ASTN2: variants seen among roughly 807,000 people sequenced by gnomAD.
ASTN2 encodes astrotactin 2.
A neutral mutation model predicts 139.8 loss-of-function variants in ASTN2; 54 were observed. That is an observed-to-expected ratio of 0.39 (90% CI 0.31 to 0.48). The LOEUF is 0.48. Among genes scored for constraint, ASTN2 ranks in the 20% least tolerant of loss-of-function variants. The pLI is 0.95. For missense variants in ASTN2, 1,565 were observed against 1,725.1 expected, an observed-to-expected ratio of 0.91 and a Z score of 1.64; for synonymous variants, 756 against 719.5, an observed-to-expected ratio of 1.05 and a Z score of -0.81.
chr9:116,815,884 T>C (rs559965372), intron 12 of ASTN2, among the ~76,000 whole-genome samples: 2 of 149,036 alleles, frequency 1.3e-5, no homozygotes, highest in East Asian at 4.0e-4. Context: ...ATAACTCTCT[T>C]AGCAAATAAC....
intron 5 of ASTN2, among the ~76,000 whole-genome samples, chr9:117,084,673 A>G (rs978495594): frequency 6.6e-6 from 1 of 152,196 alleles, no homozygotes; most frequent in Non-Finnish European, 1.5e-5. Context: ...TTCCCCTTAT[A>G]ATGGTTATCT....
intron 16 of ASTN2, among the ~76,000 whole-genome samples, chr9:116,657,840 C>CA (rs1037941495): frequency 8.3e-5 from 12 of 143,814 alleles, no homozygotes; most frequent in Admixed American, 2.8e-4. Flanking sequence ...GAACCTGTCT[C>CA]AAAAAAAAGG....
intron 20 of ASTN2, among the ~76,000 whole-genome samples, chr9:116,479,849 T>C (rs375983623): frequency 6.6e-6 from 1 of 152,220 alleles, no homozygotes. Flanking sequence ...CATTTCTATA[T>C]GCCCAACTCT....
intron 10 of ASTN2, among the ~76,000 whole-genome samples, chr9:116,935,187 GCAGAC>G (rs1356101505): frequency 6.6e-6 from 1 of 152,176 alleles, no homozygotes; most frequent in Non-Finnish European, 1.5e-5. Context: ...GAAATAGATA[GCAGAC>G]TGAATTCCAA....
chr9:116,751,540 A>G (rs193019412), intron 13 of ASTN2, among the ~76,000 whole-genome samples: 145 of 151,876 alleles, frequency 9.5e-4, no homozygotes, highest in Middle Eastern at 6.9e-3. Flanking sequence ...AATGTTAACT[A>G]TTATTATTGT....
At chr9:117,125,833 G>GT (rs1174912025) in intron 4 of ASTN2, among the ~76,000 whole-genome samples, 1 of 151,824 alleles carries the variant, frequency 6.6e-6, no homozygotes, top group Non-Finnish European at 1.5e-5. Flanking sequence ...TTGCGGCGGG[G>GT]GGGGGAATTG....
chr9:116,687,231 A>C, intron 16 of ASTN2: 3 of 1,002,334 alleles, frequency 3.0e-6, no homozygotes, highest in Non-Finnish European at 3.6e-6. Flanking sequence ...GCTGCACGAC[A>C]AGCCCCAGCA....
intron 10 of ASTN2, among the ~76,000 whole-genome samples, chr9:116,875,311 A>T (rs1277453832): frequency 6.6e-6 from 1 of 152,240 alleles, no homozygotes; most frequent in Non-Finnish European, 1.5e-5. Context: ...AGAGGTGTGG[A>T]TAAATTAAAC....
intron 1 of ASTN2, among the ~76,000 whole-genome samples, chr9:117,324,076 C>T (rs1828430177): frequency 6.6e-6 from 1 of 152,066 alleles, no homozygotes; most frequent in African/African-American, 2.4e-5. Flanking sequence ...GAAAAAAATG[C>T]TTGATGGGAC....
At chr9:116,977,489 T>C (rs1836376503) in intron 7 of ASTN2, among the ~76,000 whole-genome samples, 1 of 152,078 alleles carries the variant, frequency 6.6e-6, no homozygotes. Context: ...TTTTTTTTTC[T>C]GGCCATGCCT....
chr9:116,800,398 C>T (rs1347865901), intron 13 of ASTN2, among the ~76,000 whole-genome samples: 2 of 152,190 alleles, frequency 1.3e-5, no homozygotes, highest in East Asian at 1.9e-4. Flanking sequence ...TCTTAATGTG[C>T]ACCATGCTTA....
At chr9:116,840,707 G>A (rs62565768) in intron 11 of ASTN2, among the ~76,000 whole-genome samples, 9,533 of 131,696 alleles carry the variant, frequency 0.072, 476 homozygotes, top group East Asian at 0.21. Context: ...CAGACGGGGC[G>A]TCCGGGCAGA....
intron 16 of ASTN2, among the ~76,000 whole-genome samples, chr9:116,681,314 C>A (rs944068830): frequency 6.6e-6 from 1 of 152,140 alleles, no homozygotes; most frequent in African/African-American, 2.4e-5. Flanking sequence ...ATCCAACTTA[C>A]AAGGGACGTG....
chr9:116,919,406 C>T (rs1387535670), intron 10 of ASTN2, among the ~76,000 whole-genome samples: 2 of 152,110 alleles, frequency 1.3e-5, no homozygotes, highest in African/African-American at 4.8e-5. Flanking sequence ...ATAATTTCCT[C>T]TTACATGTCT....
chr9:116,502,950 A>C (rs1385504068), intron 19 of ASTN2, among the ~76,000 whole-genome samples: 1 of 144,574 alleles, frequency 6.9e-6, no homozygotes. Context: ...AAAGAAAAAA[A>C]GGAAGGAGGA....
chr9:116,837,658 C>T (rs1193780121), intron 11 of ASTN2, among the ~76,000 whole-genome samples: 1 of 150,784 alleles, frequency 6.6e-6, no homozygotes, highest in African/African-American at 2.4e-5. Context: ...TACCACCCCA[C>T]CCCCAGGTCT....
intron 6 of ASTN2, among the ~76,000 whole-genome samples, chr9:117,009,309 T>C (rs1564382123): frequency 6.6e-6 from 1 of 152,164 alleles, no homozygotes; most frequent in Non-Finnish European, 1.5e-5. Flanking sequence ...GAAACATACA[T>C]ATATTATATA....
intron 10 of ASTN2, among the ~76,000 whole-genome samples, chr9:116,894,762 T>A (rs911283666): frequency 3.3e-4 from 50 of 152,124 alleles, no homozygotes; most frequent in Non-Finnish European, 1.5e-4. Flanking sequence ...ATGTTGTAGG[T>A]CAGTAAAGAA....
At chr9:116,927,392 T>A (rs370189483) in intron 10 of ASTN2, among the ~76,000 whole-genome samples, 7 of 152,246 alleles carry the variant, frequency 4.6e-5, no homozygotes, top group East Asian at 3.8e-4. Flanking sequence ...CGGGGTGTCT[T>A]GTTTTCATAT....
Sources: allele counts gnomAD v4.1 joint callset (sites outside exome capture counted in the v4.1 genomes callset), GRCh38; gene constraint gnomAD v4.1.1; transcripts MANE v1.5; gene names NCBI Gene and HGNC (gene_info 2026-07-23, HGNC 2026-07-21).